The following IYD variants were observed in gnomAD, a reference collection of about 807,000 sequenced individuals.
The protein encoded by IYD is iodotyrosine deiodinase, also known as iodotyrosine deiodinase 1.
In IYD, 25 loss-of-function variants were observed where a neutral mutation model predicts 28.4. The observed-to-expected ratio is 0.88, with a 90% confidence interval of 0.64 to 1.23. The LOEUF is 1.23. Ranked by LOEUF, IYD falls within the 50% of genes most tolerant of loss-of-function variation. The pLI is 0.00. For synonymous variants in IYD, 140 were observed against 130.8 expected (o/e 1.07, Z -0.48); for missense variants, 352 against 357.9 (o/e 0.98, Z 0.13).
At chr6:150,390,831 C>A (rs373039429) in intron 2 of IYD, among the ~76,000 whole-genome samples, 1 of 152,110 alleles carries the variant, frequency 6.6e-6, no homozygotes, top group African/African-American at 2.4e-5. Context: ...TGATGCACTG[C>A]GAAGCTTTGC....
Position 150,388,881 on chromosome 6 carries a change from T to C in IYD, c.179-471T>C, listed in dbSNP as rs564984174. Among the ~76,000 whole-genome samples the C allele has an allele frequency of 4.8e-4, 73 of 152,266 alleles. 1 individual carries two copies. In the South Asian group the frequency reaches 0.012, roughly 25 times the overall value. On this transcript the variant is annotated intron_variant, in intron 1 of 4. Coordinates refer to ENST00000344419, the MANE Select transcript of IYD (RefSeq NM_203395.3). ...AACACCTGGCTAATTTTTGTATTTT[T>C]AGTAAAGACGGGGTTTCACCATGTT...
At chr6:150,387,775 G>A (rs577951150) in intron 1 of IYD, among the ~76,000 whole-genome samples, 1 of 151,864 alleles carries the variant, frequency 6.6e-6, no homozygotes, top group Non-Finnish European at 1.5e-5. Flanking sequence ...AATTCCAGAA[G>A]TTCTCTATTT....
chr6:150,390,234 T>C (rs919402280), intron 2 of IYD, among the ~76,000 whole-genome samples: 1 of 152,176 alleles, frequency 6.6e-6, no homozygotes, highest in African/African-American at 2.4e-5. Context: ...TTGTCCAATG[T>C]GAAAGGAAGC....
Position 150,392,365 on chromosome 6 carries a change from C to T in IYD, c.391C>T (p.His131Tyr), listed in dbSNP as rs2115053401. Residue 131 changes from histidine to tyrosine, a missense_variant, in exon 3 of 5, where the codon CAC (histidine) becomes TAC (tyrosine). Physicochemically the swap from His to Tyr is moderately conservative, Grantham distance 83. Coordinates refer to ENST00000344419, the MANE Select transcript of IYD (RefSeq NM_203395.3). Reference protein sequence around the residue: ...RTAGTAPSGAHTEPWTFVVVK... With the variant: ...RTAGTAPSGAYTEPWTFVVVK... Reference sequence around the variant, plus strand: ...GACAGGAACAGCCCCGAGTGGGGCTCACACAGAGCCCTGGACCTTCGTGGT... The same window carrying T: ...GACAGGAACAGCCCCGAGTGGGGCTTACACAGAGCCCTGGACCTTCGTGGT... The T allele has an allele frequency of 6.2e-7, 1 of 1,613,592 alleles. No homozygotes were observed. Among genetic ancestry groups the T allele is most frequent in the South Asian group, 1.1e-5 (1 of 91,040 alleles).
At chr6:150,383,333 TC>T (rs1405866169) in intron 1 of IYD, among the ~76,000 whole-genome samples, 6 of 152,160 alleles carry the variant, frequency 3.9e-5, no homozygotes, top group Non-Finnish European at 8.8e-5. Context: ...TTTGTCATCA[TC>T]CTTTATCTCA....
intron 1 of IYD, among the ~76,000 whole-genome samples, chr6:150,373,164 TTGTCCAG>T (rs1450376807): frequency 6.6e-6 from 1 of 152,212 alleles, no homozygotes; most frequent in African/African-American, 2.4e-5. Context: ...GTGACCCAAC[TTGTCCAG>T]TCTTTTCTAA....
chr6:150,386,220 G>A (rs1160278884), intron 1 of IYD, among the ~76,000 whole-genome samples: 1 of 151,788 alleles, frequency 6.6e-6, no homozygotes, highest in African/African-American at 2.4e-5. Flanking sequence ...TTTAGAGTTT[G>A]TTCCTATCTA....
intron 2 of IYD, among the ~76,000 whole-genome samples, chr6:150,391,976 T>C (rs1220876943): frequency 1.3e-5 from 2 of 152,058 alleles, no homozygotes; most frequent in East Asian, 3.9e-4. Flanking sequence ...CCCAAAGTGC[T>C]GGGATTACAG....
rs1221372474 is a variant in IYD, at chr6:150,401,120, T to C, written c.*2883T>C. On this transcript the variant is annotated 3_prime_UTR_variant, in exon 5 of 5. Transcript: ENST00000344419. ...GCATATACAGTTCTCATTATACTCT[T>C]ATTTTAAATTTATATTTGAACACAG... 6.6e-6 allele frequency: 1 copy of C among 152,224 alleles called. No individual in the cohort carries two copies. Among genetic ancestry groups the C allele is most frequent in the African/African-American group, 2.4e-5 (1 of 41,460 alleles). 9.4% of individuals were successfully genotyped at this position (152,224 alleles called of 1,614,324 possible). A position where few individuals can be genotyped will look rare whatever the true frequency, so the allele number is the denominator to read the frequency against.
At chr6:150,370,854 C>T (rs750846410) in intron 1 of IYD, among the ~76,000 whole-genome samples, 1 of 152,080 alleles carries the variant, frequency 6.6e-6, no homozygotes, top group Non-Finnish European at 1.5e-5. Context: ...GAATGAGGAT[C>T]CAGCTTAAAG....
Position 150,401,182 on chromosome 6 carries a change from C to A in IYD, c.*2945C>A, listed in dbSNP as rs538959119. The A allele has an allele frequency of 2.6e-5, 4 of 152,298 alleles. No individual in the cohort carries two copies. The highest frequency in any genetic ancestry group is 1.9e-4 in the East Asian group (1 of 5,190). 9.4% of individuals were successfully genotyped at this position (152,298 alleles called of 1,614,324 possible). On this transcript the variant is annotated 3_prime_UTR_variant, in exon 5 of 5. Coordinates refer to ENST00000344419, the MANE Select transcript of IYD (RefSeq NM_203395.3). ...TGGAAATACATTTAAATAAGCATTT[C>A]TTTCAGTCATATAAGTAATTTGCCT...
chr6:150,376,031 C>T (rs766215499), intron 1 of IYD, among the ~76,000 whole-genome samples: 2 of 152,072 alleles, frequency 1.3e-5, no homozygotes, highest in African/African-American at 2.4e-5. Flanking sequence ...TAGAAGTGAC[C>T]TAGAATTACT....
At chr6:150,380,440 A>T (rs1777606197) in intron 1 of IYD, among the ~76,000 whole-genome samples, 2 of 152,220 alleles carry the variant, frequency 1.3e-5, no homozygotes, top group Admixed American at 6.5e-5. Context: ...CAACTTTAGG[A>T]CTTGCGCTGC....
intron 2 of IYD, among the ~76,000 whole-genome samples, chr6:150,389,906 C>T (rs1039208503): frequency 4.6e-5 from 7 of 152,168 alleles, no homozygotes; most frequent in Non-Finnish European, 1.0e-4. Flanking sequence ...TACACACACT[C>T]GCATACTCAC....
intron 1 of IYD, among the ~76,000 whole-genome samples, chr6:150,382,732 C>T (rs970682705): frequency 6.6e-6 from 1 of 152,230 alleles, no homozygotes. Flanking sequence ...TGTGCCTACA[C>T]TGATGTTAAA....
At chr6:150,380,844 C>A (rs1777621164) in intron 1 of IYD, among the ~76,000 whole-genome samples, 2 of 152,300 alleles carry the variant, frequency 1.3e-5, no homozygotes, top group South Asian at 2.1e-4. Flanking sequence ...GTCTTTTGAG[C>A]CACTGTCATA....
At chr6:150,386,706 A>G (rs1181280183) in intron 1 of IYD, among the ~76,000 whole-genome samples, 1 of 152,172 alleles carries the variant, frequency 6.6e-6, no homozygotes, top group Non-Finnish European at 1.5e-5. Flanking sequence ...TTGCATACAT[A>G]TTTAAAATTA....
Position 150,398,167 on chromosome 6 carries a change from A to G in IYD, c.800A>G (p.Tyr267Cys), listed in dbSNP as rs1778395217. 6.2e-7 allele frequency: 1 copy of G among 1,614,012 alleles called. No homozygotes were observed. The highest frequency in any genetic ancestry group is 1.3e-5 in the African/African-American group (1 of 74,916). The change falls in exon 5 of 5, where the codon TAC becomes TGC. Residue 267 changes from tyrosine to cysteine, a missense_variant. Coordinates refer to ENST00000344419, the MANE Select transcript of IYD (RefSeq NM_203395.3). The stretch of plus-strand genomic sequence containing the variant: ...CTGCTGATGCTGCTCCCCGTGGGGT[A>G]CCCCAGCAAGGAGGCCACGGTGCCT... ...EKLLMLLPVG[Y>C]PSKEATVPDL...
intron 1 of IYD, 135 bp downstream of exon 1, chr6:150,369,344 A>G (rs1777136867): frequency 1.2e-6 from 1 of 831,542 alleles, no homozygotes; most frequent in African/African-American, 1.7e-5. Context: ...TGTGCTAATG[A>G]ATCAGTGCTT....
Sources: gnomAD v4.1 joint callset for allele counts (sites outside exome capture counted in the v4.1 genomes callset) on GRCh38, gnomAD v4.1.1 for gene constraint, MANE v1.5 for transcripts, NCBI Gene and HGNC (gene_info 2026-07-23, HGNC 2026-07-21) for gene names.